HCN1: variants seen among roughly 807,000 people sequenced by gnomAD.
HCN1 encodes the protein hyperpolarization activated cyclic nucleotide gated potassium channel 1, also known as potassium/sodium hyperpolarization-activated cyclic nucleotide-gated channel 1.
Under a neutral mutation model 78.9 loss-of-function variants are expected in HCN1, and 13 were observed. The observed-to-expected ratio is 0.16, with a 90% CI of 0.11 to 0.26. The LOEUF (loss-of-function observed/expected upper bound fraction) is 0.26. Among genes scored for constraint, HCN1 ranks in the 10% least tolerant of loss-of-function variants. The pLI is 1.00. For synonymous variants in HCN1, 552 were observed against 455.5 expected (o/e 1.21, Z -2.70); for missense variants, 810 against 1,154.3 (o/e 0.70, Z 4.32).
intron 1 of HCN1, among the ~76,000 whole-genome samples, chr5:45,695,297 C>A (rs375825787): frequency 7.2e-5 from 11 of 152,092 alleles, no homozygotes; most frequent in African/African-American, 2.7e-4. Flanking sequence ...GGGAGCCGCG[C>A]GAGGAAGGGT....
intron 5 of HCN1, among the ~76,000 whole-genome samples, chr5:45,320,371 G>GT (rs912282219): frequency 2.0e-5 from 3 of 151,784 alleles, no homozygotes; most frequent in African/African-American, 7.3e-5. Flanking sequence ...TGTTTAGGGA[G>GT]TTTTTTTGAG....
At chr5:45,369,273 T>G (rs1332739936) in intron 4 of HCN1, among the ~76,000 whole-genome samples, 2 of 152,130 alleles carry the variant, frequency 1.3e-5, no homozygotes, top group African/African-American at 2.4e-5. Flanking sequence ...TGTATGTGTA[T>G]GATTGTGATA....
At chr5:45,403,652 T>A (rs1203889490) in intron 3 of HCN1, among the ~76,000 whole-genome samples, 4 of 152,150 alleles carry the variant, frequency 2.6e-5, no homozygotes, top group Non-Finnish European at 1.5e-5. Flanking sequence ...GTGGGGATTA[T>A]GAGAACTACA....
intron 1 of HCN1, among the ~76,000 whole-genome samples, chr5:45,675,356 A>G (rs767585576): frequency 2.0e-5 from 3 of 151,672 alleles, no homozygotes; most frequent in Non-Finnish European, 2.9e-5. Flanking sequence ...CCCTAAACAC[A>G]CTGGATCTCA....
chr5:45,632,076 G>A (rs532954736), intron 2 of HCN1, among the ~76,000 whole-genome samples: 1 of 152,124 alleles, frequency 6.6e-6, no homozygotes, highest in South Asian at 2.1e-4. Flanking sequence ...TACAAATGTT[G>A]TGGGTTTTTG....
chr5:45,425,295 T>G lies in HCN1; in HGVS notation c.1012-28585A>C, dbSNP rs185494760. 1.1e-3 allele frequency among the ~76,000 whole-genome samples: 162 copies of G among 152,338 alleles called. 2 individuals are homozygous for G. Among genetic ancestry groups the G allele is most frequent in the Middle Eastern group, 6.8e-3 (2 of 294 alleles). On this transcript the variant is annotated intron_variant, in intron 3 of 7. Coordinates refer to ENST00000303230, the MANE Select transcript of HCN1 (RefSeq NM_021072.4). ...ATGCACATAATTATAATTAACTCCA[T>G]CTGTGTGGCATTTCACTTAATACCA... is the stretch of plus-strand genomic sequence containing the variant.
chr5:45,272,519 C>A (rs950377584), intron 6 of HCN1, among the ~76,000 whole-genome samples: 2 of 151,978 alleles, frequency 1.3e-5, no homozygotes, highest in African/African-American at 4.8e-5. Flanking sequence ...GAGTTTCCAG[C>A]CCAGGCAAAA....
intron 1 of HCN1, among the ~76,000 whole-genome samples, chr5:45,676,387 A>G: frequency 6.6e-6 from 1 of 151,768 alleles, no homozygotes; most frequent in East Asian, 1.9e-4. Flanking sequence ...CAGATACATT[A>G]GAGATCATAT....
At chr5:45,303,937 A>G (rs866744869) in intron 5 of HCN1, 98 bp from the exon 6 acceptor site, 10 of 1,057,782 alleles carry the variant, frequency 9.5e-6, no homozygotes, top group Middle Eastern at 4.9e-4. Flanking sequence ...ATAACATTGT[A>G]ATTTAAATTT....
At chr5:45,331,440 T>C (rs2111952422) in intron 5 of HCN1, among the ~76,000 whole-genome samples, 1 of 151,466 alleles carries the variant, frequency 6.6e-6, no homozygotes, top group East Asian at 1.9e-4. Context: ...TGTATAACCG[T>C]AACAGGAGAA....
chr5:45,695,976 C>A lies in HCN1; in HGVS notation c.118G>T (p.Gly40Cys). ...GCCCCGCCGCCCCCCGGCGGGGTGCCCAGGCGCTTCTCGGCCGCGGCCGGC... is the reference window on the plus strand; with the variant it reads ...GCCCCGCCGCCCCCCGGCGGGGTGCACAGGCGCTTCTCGGCCGCGGCCGGC... ...AGPAAAEKRL[G>C]TPPGGGGAGA... The change falls in exon 1 of 8, where the codon GGC becomes TGC. Residue 40 changes from glycine (G) to cysteine (C), a missense_variant. By Grantham distance (159) the Gly-to-Cys change is radical. Coordinates refer to ENST00000303230, the MANE Select transcript of HCN1 (RefSeq NM_021072.4). The A allele has an allele frequency of 7.6e-7, 1 of 1,320,234 alleles. No homozygotes were observed. Among genetic ancestry groups the A allele is most frequent in the East Asian group, 3.4e-5 (1 of 29,578 alleles). 81.8% of individuals were successfully genotyped at this position (1,320,234 alleles called of 1,614,324 possible).
At chr5:45,602,273 A>G (rs1267755403) in intron 2 of HCN1, among the ~76,000 whole-genome samples, 1 of 152,120 alleles carries the variant, frequency 6.6e-6, no homozygotes, top group African/African-American at 2.4e-5. Context: ...TGAAGAAGTA[A>G]CTAAATTAAA....
At chr5:45,520,839 C>T (rs1256618608) in intron 2 of HCN1, among the ~76,000 whole-genome samples, 1 of 151,878 alleles carries the variant, frequency 6.6e-6, no homozygotes, top group Non-Finnish European at 1.5e-5. Flanking sequence ...TCAGGCAAGT[C>T]ATTATAATAT....
At chr5:45,599,064 G>A (rs879950773) in intron 2 of HCN1, among the ~76,000 whole-genome samples, 2 of 152,086 alleles carry the variant, frequency 1.3e-5, no homozygotes, top group Non-Finnish European at 2.9e-5. Flanking sequence ...CCTTTATTGG[G>A]TACATACCCA....
chr5:45,449,182 T>C (rs2111592690), intron 3 of HCN1, among the ~76,000 whole-genome samples: 1 of 152,316 alleles, frequency 6.6e-6, no homozygotes, highest in East Asian at 1.9e-4. Context: ...ATTATGATTA[T>C]CATCCCCACA....
intron 2 of HCN1, among the ~76,000 whole-genome samples, chr5:45,549,405 C>T (rs1209577705): frequency 6.6e-6 from 1 of 152,040 alleles, no homozygotes; most frequent in Non-Finnish European, 1.5e-5. Flanking sequence ...GAAAAGATTC[C>T]CTATTTAATA....
intron 2 of HCN1, among the ~76,000 whole-genome samples, chr5:45,570,974 T>G (rs555779892): frequency 6.6e-6 from 1 of 152,314 alleles, no homozygotes; most frequent in African/African-American, 2.4e-5. Flanking sequence ...TTATGGACAA[T>G]ATTGCTCACT....
chr5:45,645,604 A>G lies in HCN1; in HGVS notation c.430T>C (p.Tyr144His). 1 of 1,593,632 alleles carries G rather than the reference A, an allele frequency of 6.3e-7. No individual in the cohort carries two copies. Among genetic ancestry groups the G allele is most frequent in the Non-Finnish European group, 8.5e-7 (1 of 1,170,206 alleles). Residue 144 changes from tyrosine (Y) to histidine (H), a missense_variant, in exon 2 of 8, where the codon TAC (tyrosine) becomes CAC (histidine). Tyr to His is a moderately conservative substitution (Grantham distance 83, BLOSUM62 2). Transcript: ENST00000303230. ...IIHPYSDFRF[Y>H]WDLIMLIMMV... ...ATTATAAGCATTATTAAATCCCAGT[A>G]AAACCTACAACAAATAAAAAAATCA...
At chr5:45,387,618 A>C (rs1268890377) in intron 4 of HCN1, among the ~76,000 whole-genome samples, 2 of 152,078 alleles carry the variant, frequency 1.3e-5, no homozygotes, top group African/African-American at 4.8e-5. Flanking sequence ...AGATGGCTTA[A>C]GAGAAGATAG....
Sources: allele counts gnomAD v4.1 joint callset (sites outside exome capture counted in the v4.1 genomes callset), GRCh38; gene constraint gnomAD v4.1.1; transcripts MANE v1.5; gene names NCBI Gene and HGNC (gene_info 2026-07-23, HGNC 2026-07-21).